The following PITPNC1 variants were observed in gnomAD, a reference collection of about 807,000 sequenced individuals.
The protein encoded by PITPNC1 is cytoplasmic phosphatidylinositol transfer protein 1.
PITPNC1 carries 18 observed loss-of-function variants against 44.7 expected under a neutral mutation model. The observed-to-expected ratio is 0.40, with a 90% confidence interval of 0.28 to 0.60. PITPNC1 has a LOEUF of 0.60. Among genes scored for constraint, PITPNC1 ranks in the 20% least tolerant of loss-of-function variants. The pLI, the probability that PITPNC1 is intolerant of heterozygous loss-of-function variation, is 0.39. For missense variants in PITPNC1, 290 were observed against 418.4 expected (o/e 0.69, Z 2.68); for synonymous variants, 141 against 149.6 (o/e 0.94, Z 0.42).
chr17:67,502,080 T>C (rs1239790007), intron 1 of PITPNC1, among the ~76,000 whole-genome samples: 1 of 152,190 alleles, frequency 6.6e-6, no homozygotes, highest in African/African-American at 2.4e-5. Context: ...ACCATTCACG[T>C]TGTAGTTGAA....
At chr17:67,435,064 A>G (rs1404354284) in intron 1 of PITPNC1, among the ~76,000 whole-genome samples, 2 of 144,780 alleles carry the variant, frequency 1.4e-5, no homozygotes, top group Non-Finnish European at 3.0e-5. Context: ...AGCTGAGATC[A>G]CGCCACTGCA....
chr17:67,665,285 G>A (rs1374530849), intron 6 of PITPNC1, among the ~76,000 whole-genome samples: 2 of 152,096 alleles, frequency 1.3e-5, no homozygotes, highest in African/African-American at 4.8e-5. Context: ...TAGAGAAGGG[G>A]TTTTGCCATG....
chr17:67,555,384 C>T (rs1369473765), intron 4 of PITPNC1, among the ~76,000 whole-genome samples: 1 of 152,130 alleles, frequency 6.6e-6, no homozygotes, highest in South Asian at 2.1e-4. Flanking sequence ...GCCCAGGCAG[C>T]GGGTCAAATT....
chr17:67,628,883 C>T lies in PITPNC1; in HGVS notation c.367-3260C>T, dbSNP rs2041929445. On this transcript the variant is annotated intron_variant, in intron 5 of 8. Transcript: ENST00000581322. ...ACAGGCACACTCTGCAGCCCAACAA[C>T]ATCCAAATCTGAAGAAATCCCCTTC... Among the ~76,000 whole-genome samples, 4 of 152,198 alleles carry T rather than the reference C, an allele frequency of 2.6e-5. 1 individual carries two copies. The highest frequency in any genetic ancestry group is 2.6e-4 in the Admixed American group (4 of 15,282).
intron 5 of PITPNC1, among the ~76,000 whole-genome samples, chr17:67,593,211 TG>T (rs1303722564): frequency 1.7e-4 from 26 of 152,126 alleles, no homozygotes; most frequent in African/African-American, 6.0e-4. Context: ...TTTTAAAATG[TG>T]GACTAAGTTC....
chr17:67,691,780 C>T (rs1489330124), intron 8 of PITPNC1, among the ~76,000 whole-genome samples: 5 of 152,118 alleles, frequency 3.3e-5, no homozygotes, highest in African/African-American at 4.8e-5. Flanking sequence ...CTTAGGCAGG[C>T]GGATCACTTG....
intron 1 of PITPNC1, chr17:67,379,316 A>C: frequency 1.0e-6 from 1 of 985,446 alleles, no homozygotes; most frequent in South Asian, 4.7e-5. Flanking sequence ...GCTTTGGGAG[A>C]GAAAAAGATG....
At chr17:67,661,842 C>G (rs1017649163) in intron 6 of PITPNC1, among the ~76,000 whole-genome samples, 1 of 151,816 alleles carries the variant, frequency 6.6e-6, no homozygotes, top group African/African-American at 2.4e-5. Flanking sequence ...ACTAAAAATA[C>G]AAAAATTAGC....
intron 4 of PITPNC1, among the ~76,000 whole-genome samples, chr17:67,561,099 C>A (rs1431315082): frequency 6.6e-6 from 1 of 152,172 alleles, no homozygotes; most frequent in East Asian, 1.9e-4. Flanking sequence ...GAGCAGATTT[C>A]TTTCTGTAAA....
At chr17:67,446,181 A>C (rs1174358700) in intron 1 of PITPNC1, among the ~76,000 whole-genome samples, 2 of 151,420 alleles carry the variant, frequency 1.3e-5, no homozygotes, top group African/African-American at 4.9e-5. Flanking sequence ...TCTTGACTTC[A>C]TGATCCACCC....
chr17:67,383,476 A>C (rs750734133), intron 1 of PITPNC1, among the ~76,000 whole-genome samples: 7 of 152,178 alleles, frequency 4.6e-5, no homozygotes, highest in Non-Finnish European at 1.0e-4. Flanking sequence ...TGGGGACTCC[A>C]ACCTTGTGTC....
chr17:67,454,353 C>G (rs1316997505), intron 1 of PITPNC1, among the ~76,000 whole-genome samples: 1 of 152,018 alleles, frequency 6.6e-6, no homozygotes, highest in Non-Finnish European at 1.5e-5. Context: ...TCTTTCACTA[C>G]TTACATAACC....
chr17:67,442,219 A>G (rs1484297848), intron 1 of PITPNC1, among the ~76,000 whole-genome samples: 3 of 90,130 alleles, frequency 3.3e-5, no homozygotes, highest in South Asian at 3.6e-4. Flanking sequence ...ATATATATAT[A>G]TATATATATA....
chr17:67,403,281 T>G (rs898742687), intron 1 of PITPNC1, among the ~76,000 whole-genome samples: 15 of 148,686 alleles, frequency 1.0e-4, no homozygotes, highest in African/African-American at 3.8e-4. Context: ...CCAGTAGGTA[T>G]TTGGGTGTAG....
chr17:67,492,602 C>G (rs1429758289), intron 1 of PITPNC1, among the ~76,000 whole-genome samples: 1 of 152,162 alleles, frequency 6.6e-6, no homozygotes, highest in Non-Finnish European at 1.5e-5. Context: ...CTAATAAAAT[C>G]ATCACACCTA....
chr17:67,602,261 A>T (rs1226304726), intron 5 of PITPNC1, among the ~76,000 whole-genome samples: 1 of 151,998 alleles, frequency 6.6e-6, no homozygotes, highest in African/African-American at 2.4e-5. Context: ...TCCAGTGAAG[A>T]CTCTTGGGAA....
At chr17:67,381,948 T>G (rs1231262777) in intron 1 of PITPNC1, among the ~76,000 whole-genome samples, 2 of 152,180 alleles carry the variant, frequency 1.3e-5, no homozygotes, top group Non-Finnish European at 2.9e-5. Flanking sequence ...ACTGGTGTGT[T>G]ATTATCTATA....
rs1041495364 is a variant in PITPNC1, at chr17:67,533,000, C to T, written c.197+50C>T. 6 of 1,504,124 alleles carry T rather than the reference C, an allele frequency of 4.0e-6. No homozygotes were observed. In the African/African-American group the frequency reaches 6.9e-5, roughly 17 times the overall value. The allele number at this position is 1,504,124 out of a possible 1,614,324, so 93.2% of individuals were successfully genotyped here. A position where few individuals can be genotyped will look rare whatever the true frequency, so the allele number is the denominator to read the frequency against. On this transcript the variant is annotated intron_variant, in intron 2 of 8. Coordinates refer to ENST00000581322, the MANE Select transcript of PITPNC1 (RefSeq NM_012417.4). Reference sequence around the variant, plus strand: ...GCACAGAAGCCCCCTCCCACCTGACCCCATGGTGTGACAGTGGAGGCAGTG... The same window carrying T: ...GCACAGAAGCCCCCTCCCACCTGACTCCATGGTGTGACAGTGGAGGCAGTG...
chr17:67,666,928 C>A (rs1415872901), intron 6 of PITPNC1, among the ~76,000 whole-genome samples: 1 of 152,186 alleles, frequency 6.6e-6, no homozygotes, highest in African/African-American at 2.4e-5. Context: ...TATTTGTAAG[C>A]AGCCTGCTTT....
Sources: allele counts gnomAD v4.1 joint callset (sites outside exome capture counted in the v4.1 genomes callset), GRCh38; gene constraint gnomAD v4.1.1; transcripts MANE v1.5; gene names NCBI Gene and HGNC (gene_info 2026-07-23, HGNC 2026-07-21).